LTBP1: variants seen among roughly 807,000 people sequenced by gnomAD.
LTBP1 encodes latent transforming growth factor beta binding protein 1.
Under a neutral mutation model 207.6 loss-of-function variants are expected in LTBP1, and 129 were observed. That is an observed-to-expected ratio of 0.62 (90% CI 0.54 to 0.72). The LOEUF (loss-of-function observed/expected upper bound fraction) is 0.72. Among genes scored for constraint, LTBP1 ranks in the 30% least tolerant of loss-of-function variants. The probability of loss-of-function intolerance (pLI) is 0.00; values close to 1 mark genes in which losing one functional copy is unlikely to be tolerated. For synonymous variants in LTBP1, 963 were observed against 833.7 expected, an observed-to-expected ratio of 1.16 and a Z score of -2.67; for missense variants, 2,281 against 2,217.2, an observed-to-expected ratio of 1.03 and a Z score of -0.58.
Position 33,179,302 on chromosome 2 carries a change from A to G in LTBP1, c.1202-7554A>G, listed in dbSNP as rs189973794. ...GCTCAGGGAAGCCAAAAGATTGGAA[A>G]CCCCTCATCTAGAGTTTAAAACTAA... is the stretch of plus-strand genomic sequence containing the variant. On this transcript the variant is annotated intron_variant, in intron 5 of 33. Coordinates refer to ENST00000404816, the MANE Select transcript of LTBP1 (RefSeq NM_206943.4). 3.5e-4 allele frequency among the ~76,000 whole-genome samples: 53 copies of G among 152,012 alleles called. No homozygotes were observed. The East Asian group carries it at 9.9e-3, about 28-fold the overall frequency.
chr2:33,277,297 G>A (rs1394161410), intron 18 of LTBP1, among the ~76,000 whole-genome samples: 1 of 152,044 alleles, frequency 6.6e-6, no homozygotes, highest in Admixed American at 6.5e-5. Context: ...ATGGAGTTTT[G>A]TACCCTCCCC....
intron 5 of LTBP1, among the ~76,000 whole-genome samples, chr2:33,150,121 C>T (rs1572866497): frequency 6.6e-6 from 1 of 152,176 alleles, no homozygotes; most frequent in Admixed American, 6.5e-5. Flanking sequence ...TTAAAGCATT[C>T]ACTTTTGGAC....
rs1320118649 is a variant in LTBP1 at position 33,398,690 on chromosome 2, G to A, written c.*145G>A. The A allele has an allele frequency of 1.5e-5, 11 of 748,460 alleles. No homozygotes were observed. The Admixed American group carries it at 3.7e-4, about 25-fold the overall frequency. The allele number at this position is 748,460 out of a possible 1,614,324, so 46.4% of individuals were successfully genotyped here. A position where few individuals can be genotyped will look rare whatever the true frequency, so the allele number is the denominator to read the frequency against. ...GAATTGCAAGTCCTCTGAAGACAATGAGAGGATTTAGGATGAGCCCGATAG... is the reference window on the plus strand; with the variant it reads ...GAATTGCAAGTCCTCTGAAGACAATAAGAGGATTTAGGATGAGCCCGATAG... On this transcript the variant is annotated 3_prime_UTR_variant, in exon 34 of 34. Coordinates refer to ENST00000404816, the MANE Select transcript of LTBP1 (RefSeq NM_206943.4).
intron 2 of LTBP1, among the ~76,000 whole-genome samples, chr2:33,016,876 A>T (rs1428365140): frequency 6.6e-6 from 1 of 152,094 alleles, no homozygotes; most frequent in Non-Finnish European, 1.5e-5. Flanking sequence ...TACAAAAATT[A>T]GCTGGGCATG....
intron 31 of LTBP1, among the ~76,000 whole-genome samples, chr2:33,375,268 C>G (rs943617312): frequency 6.6e-6 from 1 of 152,174 alleles, no homozygotes; most frequent in Non-Finnish European, 1.5e-5. Flanking sequence ...TATTATGAAT[C>G]AAATCCAGTT....
At position 33,257,413 on chromosome 2, in the gene LTBP1, C is replaced by G; in HGVS notation, c.2297C>G (p.Ala766Gly). Residue 766 changes from alanine to glycine, a missense_variant, in exon 12 of 34, where the codon GCT becomes GGT. Transcript: ENST00000404816. Reference protein sequence around the residue: ...FVKPKNTQPVAKSTHPPPLPA... With the variant: ...FVKPKNTQPVGKSTHPPPLPA... Reference sequence around the variant, plus strand: ...AAGCCAAAGAACACTCAACCTGTTGCTAAAAGTACTCATCCTCCACCTCTC... The same window carrying G: ...AAGCCAAAGAACACTCAACCTGTTGGTAAAAGTACTCATCCTCCACCTCTC... 1 of 1,614,212 alleles carries G rather than the reference C, an allele frequency of 6.2e-7. No individual in the cohort carries two copies. Among genetic ancestry groups the G allele is most frequent in the Non-Finnish European group, 8.5e-7 (1 of 1,180,034 alleles).
At chr2:33,390,128 C>G (rs985738143) in intron 32 of LTBP1, among the ~76,000 whole-genome samples, 7 of 152,064 alleles carry the variant, frequency 4.6e-5, no homozygotes, top group African/African-American at 7.2e-5. Flanking sequence ...AAGAATTGCC[C>G]TTTTGGTCAG....
chr2:33,309,674 T>C, intron 23 of LTBP1, 118 bp downstream of exon 23: 1 of 1,211,188 alleles, frequency 8.3e-7, no homozygotes. Flanking sequence ...TTTATGTCAA[T>C]TTTTGATATT....
chr2:33,176,577 A>G lies in LTBP1; in HGVS notation c.1202-10279A>G, dbSNP rs988908371. On this transcript the variant is annotated intron_variant, in intron 5 of 33. Coordinates refer to ENST00000404816, the MANE Select transcript of LTBP1 (RefSeq NM_206943.4). ...ATAGTGCTATTGACGTTATTGATTG[A>G]CATATTCTTTTTGGAAATTCATCTG... Among the ~76,000 whole-genome samples, 4 of 152,266 alleles carry G rather than the reference A, an allele frequency of 2.6e-5. No individual in the cohort carries two copies. The East Asian group carries it at 7.7e-4, about 29-fold the overall frequency.
intron 26 of LTBP1, 28 bp downstream of exon 26, chr2:33,347,538 A>G (rs372441999): frequency 3.7e-6 from 6 of 1,612,752 alleles, no homozygotes; most frequent in Non-Finnish European, 5.1e-6. Context: ...TGTGCAAGGG[A>G]ATGACAGGCT....
At chr2:33,272,752 C>T (rs1203813906) in intron 15 of LTBP1, among the ~76,000 whole-genome samples, 1 of 152,208 alleles carries the variant, frequency 6.6e-6, no homozygotes, top group African/African-American at 2.4e-5. Flanking sequence ...GTGCTTCTAA[C>T]CACCAGCTGT....
chr2:33,236,538 A>G (rs142512578), intron 9 of LTBP1, among the ~76,000 whole-genome samples: 117 of 152,316 alleles, frequency 7.7e-4, no homozygotes, highest in African/African-American at 2.6e-3. Context: ...TCCTCTTACT[A>G]TGCTGGGATA....
intron 3 of LTBP1, among the ~76,000 whole-genome samples, chr2:33,023,404 G>T (rs998968944): frequency 3.3e-5 from 5 of 152,128 alleles, no homozygotes; most frequent in African/African-American, 1.2e-4. Flanking sequence ...GGTAGCCGCG[G>T]TGTACTTTAG....
At chr2:33,184,993 G>T (rs1280555541) in intron 5 of LTBP1, among the ~76,000 whole-genome samples, 1 of 152,120 alleles carries the variant, frequency 6.6e-6, no homozygotes, top group Non-Finnish European at 1.5e-5. Context: ...CCTAGATGAG[G>T]GGCAATGGGA....
intron 4 of LTBP1, among the ~76,000 whole-genome samples, chr2:33,125,685 G>T (rs1340025418): frequency 6.6e-6 from 1 of 151,934 alleles, no homozygotes; most frequent in Non-Finnish European, 1.5e-5. Context: ...ACAAAAATTA[G>T]CTGGGCGTGG....
intron 7 of LTBP1, among the ~76,000 whole-genome samples, chr2:33,200,882 A>G (rs1490301396): frequency 5.9e-5 from 9 of 152,254 alleles, no homozygotes; most frequent in African/African-American, 2.2e-4. Context: ...AAAAATGCTC[A>G]TCATCACTGG....
At chr2:33,347,180 C>T (rs1337036832) in intron 25 of LTBP1, among the ~76,000 whole-genome samples, 187 bp from the exon 26 acceptor site, 3 of 150,338 alleles carry the variant, frequency 2.0e-5, no homozygotes, top group Non-Finnish European at 4.4e-5. Context: ...ATAGTCCTTT[C>T]GTACAGACCA....
In LTBP1 at chr2:32,947,966, C is replaced by T. The variant is rs1466212250; in HGVS notation, c.494+148C>T. On this transcript the variant is annotated intron_variant, in intron 1 of 33. Coordinates refer to ENST00000404816, the MANE Select transcript of LTBP1 (RefSeq NM_206943.4). ...CTTTCTCCTCCCGCCTCCGCCTGCT[C>T]TGGGCGCCGCGGGAAGAGGGGAGTG... 11 of 616,104 alleles carry T rather than the reference C, an allele frequency of 1.8e-5. 1 individual carries two copies. In the South Asian group the frequency reaches 7.5e-4, roughly 42 times the overall value. 38.2% of individuals were successfully genotyped at this position (616,104 alleles called of 1,614,324 possible). A position where few individuals can be genotyped will look rare whatever the true frequency, so the allele number is the denominator to read the frequency against.
chr2:33,203,671 G>A (rs908337813), intron 7 of LTBP1, among the ~76,000 whole-genome samples: 16 of 151,982 alleles, frequency 1.1e-4, no homozygotes, highest in Non-Finnish European at 2.2e-4. Context: ...TTATCATGAC[G>A]TGGAATATCA....
Sources: gnomAD v4.1 joint callset for allele counts (sites outside exome capture counted in the v4.1 genomes callset) on GRCh38, gnomAD v4.1.1 for gene constraint, MANE v1.5 for transcripts, NCBI Gene and HGNC (gene_info 2026-07-23, HGNC 2026-07-21) for gene names.